AFG1L: variants seen among roughly 807,000 people sequenced by gnomAD.
The protein encoded by AFG1L is AFG1 like ATPase.
In AFG1L, 53 loss-of-function variants were observed where a neutral mutation model predicts 62.2. The ratio of observed to expected loss-of-function variants is 0.85; its 90% CI spans 0.68 to 1.07. The LOEUF is 1.07. AFG1L is among the 50% of genes least tolerant of loss of function. The pLI is 0.00. For missense variants in AFG1L, 555 were observed against 590.5 expected (o/e 0.94, Z 0.62); for synonymous variants, 228 against 210.3 (o/e 1.08, Z -0.73).
chr6:108,432,301 C>T (rs991382581), intron 7 of AFG1L, among the ~76,000 whole-genome samples: 37 of 152,076 alleles, frequency 2.4e-4, no homozygotes, highest in African/African-American at 8.5e-4. Flanking sequence ...TCTACCCCTT[C>T]TGTACATTCT....
intron 8 of AFG1L, among the ~76,000 whole-genome samples, chr6:108,449,861 T>C (rs1771980463): frequency 6.6e-6 from 1 of 152,178 alleles, no homozygotes; most frequent in Admixed American, 6.5e-5. Context: ...GTTTGGTTTT[T>C]TGTCCTTGCC....
chr6:108,304,667 C>T (rs1439541053), intron 1 of AFG1L, among the ~76,000 whole-genome samples: 1 of 152,232 alleles, frequency 6.6e-6, no homozygotes, highest in Non-Finnish European at 1.5e-5. Context: ...GCATTTTTCT[C>T]ACAGCAGTTG....
chr6:108,337,099 A>G (rs1245617622), intron 2 of AFG1L, among the ~76,000 whole-genome samples: 1 of 152,180 alleles, frequency 6.6e-6, no homozygotes, highest in African/African-American at 2.4e-5. Context: ...GGCTCATGTG[A>G]TCCTCCTGCC....
At chr6:108,427,036 C>A (rs1770846521) in intron 7 of AFG1L, among the ~76,000 whole-genome samples, 1 of 151,922 alleles carries the variant, frequency 6.6e-6, no homozygotes, top group East Asian at 1.9e-4. Context: ...ACTTTTATCC[C>A]CAGAGATATC....
intron 2 of AFG1L, among the ~76,000 whole-genome samples, chr6:108,340,863 G>A (rs1778655430): frequency 6.6e-6 from 1 of 152,116 alleles, no homozygotes; most frequent in Non-Finnish European, 1.5e-5. Context: ...TTTCACATAG[G>A]AAGTTGAAGG....
chr6:108,341,931 G>A (rs946733161), intron 2 of AFG1L, among the ~76,000 whole-genome samples: 1 of 152,088 alleles, frequency 6.6e-6, no homozygotes, highest in Admixed American at 6.5e-5. Context: ...TTGGGAGTCC[G>A]GGATGTATCA....
intron 2 of AFG1L, among the ~76,000 whole-genome samples, chr6:108,324,764 G>A (rs1777971200): frequency 6.6e-6 from 1 of 151,410 alleles, no homozygotes; most frequent in Non-Finnish European, 1.5e-5. Context: ...CGATATCTTG[G>A]CTCCTGGCAA....
At chr6:108,383,830 GA>G (rs934036716) in intron 6 of AFG1L, among the ~76,000 whole-genome samples, 5 of 151,792 alleles carry the variant, frequency 3.3e-5, no homozygotes, top group African/African-American at 1.2e-4. Flanking sequence ...AAAGATCAAA[GA>G]AAAAATATTT....
chr6:108,367,288 G>A (rs749767820), intron 6 of AFG1L, among the ~76,000 whole-genome samples: 113 of 152,122 alleles, frequency 7.4e-4, no homozygotes, highest in Middle Eastern at 3.2e-3. Context: ...GTCTTAGAAT[G>A]AACATTGGAT....
intron 1 of AFG1L, among the ~76,000 whole-genome samples, chr6:108,309,952 A>T (rs1272261820): frequency 1.3e-5 from 2 of 151,966 alleles, no homozygotes; most frequent in African/African-American, 2.4e-5. Flanking sequence ...AAGACATGGA[A>T]CTCCTGGATC....
chr6:108,446,719 G>C (rs906040604), intron 7 of AFG1L, among the ~76,000 whole-genome samples: 1 of 150,972 alleles, frequency 6.6e-6, no homozygotes, highest in African/African-American at 2.5e-5. Context: ...GCTCAGGCTG[G>C]TCTCAAACTC....
chr6:108,408,187 C>T (rs1781948264), intron 7 of AFG1L, among the ~76,000 whole-genome samples: 1 of 148,116 alleles, frequency 6.8e-6, no homozygotes, highest in Non-Finnish European at 1.5e-5. Flanking sequence ...AGTGCAGTGG[C>T]GTGAGGCTTA....
At chr6:108,396,922 A>G (rs1466572667) in intron 6 of AFG1L, among the ~76,000 whole-genome samples, 1 of 152,224 alleles carries the variant, frequency 6.6e-6, no homozygotes, top group Non-Finnish European at 1.5e-5. Context: ...ATTACAAACA[A>G]TCCATTATAC....
At chr6:108,461,847 C>T (rs1772473214) in intron 8 of AFG1L, among the ~76,000 whole-genome samples, 1 of 152,112 alleles carries the variant, frequency 6.6e-6, no homozygotes, top group South Asian at 2.1e-4. Flanking sequence ...GTAATCCCAG[C>T]ACTTTGGGAG....
intron 10 of AFG1L, among the ~76,000 whole-genome samples, chr6:108,503,167 A>G (rs1018305761): frequency 1.3e-5 from 2 of 152,186 alleles, no homozygotes; most frequent in East Asian, 3.8e-4. Flanking sequence ...GTTAATGTTG[A>G]TATTTCGACC....
chr6:108,315,689 G>A (rs754743682), intron 1 of AFG1L, among the ~76,000 whole-genome samples: 14 of 152,068 alleles, frequency 9.2e-5, no homozygotes, highest in South Asian at 2.1e-4. Context: ...CAAGTGATCA[G>A]CCTCCCACAG....
At chr6:108,472,681 CT>C (rs562169670) in intron 8 of AFG1L, among the ~76,000 whole-genome samples, 13,288 of 137,902 alleles carry the variant, frequency 0.096, 624 homozygotes, top group South Asian at 0.26. Flanking sequence ...ACCGAGCTAT[CT>C]TTTTTTTTTT....
chr6:108,339,862 A>G (rs1417801600), intron 2 of AFG1L, among the ~76,000 whole-genome samples: 1 of 152,196 alleles, frequency 6.6e-6, no homozygotes, highest in East Asian at 1.9e-4. Context: ...ATCATGGAGA[A>G]TGGGATATCC....
intron 6 of AFG1L, among the ~76,000 whole-genome samples, chr6:108,386,355 G>T (rs926156873): frequency 6.6e-6 from 1 of 152,068 alleles, no homozygotes; most frequent in Non-Finnish European, 1.5e-5. Context: ...CAGCTATTTG[G>T]GGGGCTGGGG....
Sources: gnomAD v4.1 joint callset for allele counts (sites outside exome capture counted in the v4.1 genomes callset) on GRCh38, gnomAD v4.1.1 for gene constraint, MANE v1.5 for transcripts, NCBI Gene and HGNC (gene_info 2026-07-23, HGNC 2026-07-21) for gene names.